BLK: variants seen among roughly 807,000 people sequenced by gnomAD.
BLK encodes the protein BLK proto-oncogene, Src family tyrosine kinase.
A neutral mutation model predicts 61.8 loss-of-function variants in BLK; 64 were observed. The ratio of observed to expected loss-of-function variants is 1.03; its 90% CI spans 0.85 to 1.27. The LOEUF (loss-of-function observed/expected upper bound fraction) is 1.27, where lower values mean the gene tolerates loss of function less well. Ranked by LOEUF, BLK falls within the 50% of genes most tolerant of loss-of-function variation. The probability of loss-of-function intolerance (pLI) is 0.00; values close to 1 mark genes in which losing one functional copy is unlikely to be tolerated. For missense variants in BLK, 853 were observed against 660.5 expected, an observed-to-expected ratio of 1.29 and a Z score of -3.19; for synonymous variants, 351 against 272.0, an observed-to-expected ratio of 1.29 and a Z score of -2.86.
chr8:11,532,111 G>T (rs111609688), intron 1 of BLK, among the ~76,000 whole-genome samples: 1 of 151,790 alleles, frequency 6.6e-6, no homozygotes, highest in Non-Finnish European at 1.5e-5. Flanking sequence ...CACCTGCTTC[G>T]GCCTCCCAAA....
intron 1 of BLK, among the ~76,000 whole-genome samples, chr8:11,519,444 A>G (rs1042112096): frequency 6.6e-6 from 1 of 152,242 alleles, no homozygotes; most frequent in African/African-American, 2.4e-5. Flanking sequence ...CAAATATTAG[A>G]TGAAGCTATA....
At chr8:11,498,574 A>G (rs1366055056) in intron 1 of BLK, among the ~76,000 whole-genome samples, 1 of 152,228 alleles carries the variant, frequency 6.6e-6, no homozygotes, top group East Asian at 1.9e-4. Flanking sequence ...CAAAGCAGCC[A>G]CATCTGAGTG....
chr8:11,532,795 T>C (rs528925590), intron 1 of BLK, among the ~76,000 whole-genome samples: 3 of 152,384 alleles, frequency 2.0e-5, no homozygotes, highest in African/African-American at 4.8e-5. Flanking sequence ...TGACAGGCAC[T>C]ATGAGTGCTG....
intron 1 of BLK, among the ~76,000 whole-genome samples, chr8:11,538,045 C>T (rs1175389116): frequency 6.6e-6 from 1 of 152,194 alleles, no homozygotes; most frequent in Non-Finnish European, 1.5e-5. Flanking sequence ...CATGCTCTCT[C>T]ACACATGCAT....
intron 1 of BLK, among the ~76,000 whole-genome samples, chr8:11,527,230 C>A (rs924600177): frequency 2.6e-5 from 4 of 152,144 alleles, no homozygotes; most frequent in African/African-American, 9.7e-5. Context: ...TTGCAATGCT[C>A]TTTTTAAAAG....
intron 1 of BLK, among the ~76,000 whole-genome samples, chr8:11,502,777 T>C (rs1222100296): frequency 6.6e-6 from 1 of 151,714 alleles, no homozygotes; most frequent in African/African-American, 2.4e-5. Flanking sequence ...TGGGGACAAG[T>C]GGAGAATAAC....
At chr8:11,522,798 C>G (rs1014430042) in intron 1 of BLK, among the ~76,000 whole-genome samples, 3 of 151,806 alleles carry the variant, frequency 2.0e-5, no homozygotes, top group African/African-American at 7.3e-5. Flanking sequence ...TTTTAAAAGT[C>G]TAAAACATAC....
At chr8:11,559,323 A>T (rs539451452) in intron 10 of BLK, among the ~76,000 whole-genome samples, 30 of 127,224 alleles carry the variant, frequency 2.4e-4, no homozygotes, top group African/African-American at 7.9e-4. Context: ...ATAAAAACAC[A>T]GACTCACACA....
At chr8:11,510,740 C>A (rs1438405653) in intron 1 of BLK, among the ~76,000 whole-genome samples, 1 of 151,860 alleles carries the variant, frequency 6.6e-6, no homozygotes, top group East Asian at 1.9e-4. Flanking sequence ...GATAGCGCCA[C>A]TGTACTCCAG....
At chr8:11,550,910 A>T (rs1162127868) in intron 6 of BLK, among the ~76,000 whole-genome samples, 1 of 152,224 alleles carries the variant, frequency 6.6e-6, no homozygotes, top group Admixed American at 6.5e-5. Flanking sequence ...TCTAAATCAT[A>T]TAGGGTAATA....
intron 8 of BLK, chr8:11,555,971 C>G (rs925481878): frequency 3.7e-6 from 1 of 272,420 alleles, no homozygotes; most frequent in South Asian, 3.9e-5. Flanking sequence ...TTCCCCCCCC[C>G]GCCCACCAGG....
In BLK at chr8:11,502,767, T is replaced by A. The variant is rs754288208; in HGVS notation, c.-2+8176T>A. Among the ~76,000 whole-genome samples, 212 of 152,148 alleles carry A rather than the reference T, an allele frequency of 1.4e-3. 1 individual carries two copies. The highest frequency in any genetic ancestry group is 0.01 in the Middle Eastern group (3 of 294). ...GATCAGGGTCCTGCCTGCAGCCAAG[T>A]GGGGACAAGTGGAGAATAACTTGCC... On this transcript the variant is annotated intron_variant, in intron 1 of 12. Transcript: ENST00000259089.
At chr8:11,540,348 A>G (rs940930531) in intron 1 of BLK, among the ~76,000 whole-genome samples, 2 of 152,132 alleles carry the variant, frequency 1.3e-5, no homozygotes, top group Admixed American at 1.3e-4. Context: ...GTATTTACCA[A>G]AATCTGTTTG....
chr8:11,516,333 C>T (rs975952034), intron 1 of BLK, among the ~76,000 whole-genome samples: 5 of 151,940 alleles, frequency 3.3e-5, no homozygotes, highest in African/African-American at 4.9e-5. Flanking sequence ...GACCACACCG[C>T]ACAGTGGAGA....
chr8:11,551,243 C>G (rs367825725), intron 6 of BLK, among the ~76,000 whole-genome samples: 1 of 152,230 alleles, frequency 6.6e-6, no homozygotes, highest in Non-Finnish European at 1.5e-5. Flanking sequence ...GTGGCTTCCA[C>G]CACAGAAGCT....
In BLK at chr8:11,555,380, C is replaced by T. The variant is rs202028021; in HGVS notation, c.668C>T (p.Pro223Leu). The T allele has an allele frequency of 2.8e-5, 45 of 1,614,142 alleles. No individual in the cohort carries two copies. The highest frequency in any genetic ancestry group is 1.9e-4 in the African/African-American group (14 of 75,040). The change falls in exon 8 of 13, where the codon CCG becomes CTG. Residue 223 changes from proline (P) to leucine (L), a missense_variant. Transcript: ENST00000259089. ...AGGCTGACCCTGCCCTGTGTGCGCC[C>T]GGCCCCGCAGAATCCCTGGGCCCAG... ...CQRLTLPCVR[P>L]APQNPWAQDE... is the part of the protein sequence containing the mutation.
intron 1 of BLK, among the ~76,000 whole-genome samples, 193 bp from the exon 2 acceptor site, chr8:11,543,031 C>A (rs1334240848): frequency 2.6e-5 from 4 of 152,084 alleles, no homozygotes; most frequent in Non-Finnish European, 5.9e-5. Context: ...TGTATGGGCC[C>A]CCGAAAAAAG....
At chr8:11,558,067 G>A (rs745487622) in intron 10 of BLK, 29 bp downstream of exon 10, 2 of 1,609,780 alleles carry the variant, frequency 1.2e-6, no homozygotes, top group African/African-American at 2.7e-5. Context: ...GCAGAGAAAG[G>A]GCGGCATGTG....
At chr8:11,527,112 C>G (rs1799688804) in intron 1 of BLK, among the ~76,000 whole-genome samples, 1 of 152,158 alleles carries the variant, frequency 6.6e-6, no homozygotes, top group Non-Finnish European at 1.5e-5. Flanking sequence ...GGGTCTTTCA[C>G]TGTCCTTAAG....
Sources: allele counts gnomAD v4.1 joint callset (sites outside exome capture counted in the v4.1 genomes callset), GRCh38; gene constraint gnomAD v4.1.1; transcripts MANE v1.5; gene names NCBI Gene and HGNC (gene_info 2026-07-23, HGNC 2026-07-21).